DOK7: variants seen among roughly 807,000 people sequenced by gnomAD.
The protein encoded by DOK7 is protein Dok-7.
A neutral mutation model predicts 30.7 loss-of-function variants in DOK7; 32 were observed. The ratio of observed to expected loss-of-function variants is 1.04; its 90% confidence interval spans 0.79 to 1.40. The LOEUF (loss-of-function observed/expected upper bound fraction) is 1.40, where lower values mean the gene tolerates loss of function less well. DOK7 is among the 40% of genes most tolerant of loss of function. The probability of loss-of-function intolerance (pLI) is 0.00; values close to 1 mark genes in which losing one functional copy is unlikely to be tolerated. For synonymous variants in DOK7, 447 were observed against 324.1 expected, an observed-to-expected ratio of 1.38 and a Z score of -4.07; for missense variants, 1,007 against 699.2, an observed-to-expected ratio of 1.44 and a Z score of -4.97.
rs989595779 is a variant in DOK7, at chr4:3,489,551, G to A, written c.653-126G>A. The A allele has an allele frequency of 3.6e-5, 53 of 1,460,168 alleles. 1 individual carries two copies. Among genetic ancestry groups the A allele is most frequent in the South Asian group, 1.2e-4 (10 of 81,408 alleles). 90.5% of individuals were successfully genotyped at this position (1,460,168 alleles called of 1,614,324 possible). A position where few individuals can be genotyped will look rare whatever the true frequency, so the allele number is the denominator to read the frequency against. ...TCTGGGATGAGGCATCGGGAGGAGC[G>A]GGGACTCCCAGGGGACTGCCACTCC... On this transcript the variant is annotated intron_variant, in intron 5 of 6. Transcript: ENST00000340083.
Position 3,490,808 on chromosome 4 carries a change from C to T in DOK7, c.772+1012C>T, listed in dbSNP as rs866823657. Among the ~76,000 whole-genome samples the T allele has an allele frequency of 4.4e-4, 27 of 61,276 alleles. 1 individual carries two copies. The East Asian group carries it at 8.6e-3, about 20-fold the overall frequency. The allele number at this position is 61,276 out of a possible 152,430, so 40.2% of individuals were successfully genotyped here. A position where few individuals can be genotyped will look rare whatever the true frequency, so the allele number is the denominator to read the frequency against. On this transcript the variant is annotated intron_variant, in intron 6 of 6. Transcript: ENST00000340083. ...TCATTCATTCCTTCCTCTGCCCCCC[C>T]GCTCATTCATTCCTGCCTTCCCCCC...
chr4:3,501,092 G>T, exon 8 of DOK7: 1 of 512,212 alleles, frequency 2.0e-6, no homozygotes, highest in East Asian at 3.4e-5. Flanking sequence ...CTGCTTCCAG[G>T]CATCAGGCAG....
chr4:3,480,405 C>T (rs938312313), intron 4 of DOK7, among the ~76,000 whole-genome samples: 3 of 152,066 alleles, frequency 2.0e-5, no homozygotes, highest in East Asian at 3.9e-4. Flanking sequence ...GTCAGGAGTT[C>T]GAGATCAGCC....
chr4:3,483,787 G>A (rs766470771), intron 4 of DOK7, among the ~76,000 whole-genome samples: 1 of 152,214 alleles, frequency 6.6e-6, no homozygotes, highest in Non-Finnish European at 1.5e-5. Context: ...GGTGGACCAC[G>A]GGGACAGGGA....
chr4:3,479,259 C>T (rs986164192), intron 4 of DOK7, among the ~76,000 whole-genome samples: 3 of 152,238 alleles, frequency 2.0e-5, no homozygotes, highest in Admixed American at 2.0e-4. Context: ...TCTTCAGTCT[C>T]TTGCAGTCTG....
downstream of DOK7, chr4:3,494,574 G>A (rs191840650): frequency 5.6e-4 from 536 of 953,278 alleles, 2 homozygotes; most frequent in African/African-American, 8.1e-3. Context: ...CCCCGGGCCC[G>A]GCTTCCCTGG....
At chr4:3,491,463 T>G (rs1728437698) in intron 6 of DOK7, among the ~76,000 whole-genome samples, 1 of 150,872 alleles carries the variant, frequency 6.6e-6, no homozygotes, top group African/African-American at 2.4e-5. Flanking sequence ...CCCTACTCAA[T>G]TTCTCTCTCA....
chr4:3,481,257 G>A (rs75013340), intron 4 of DOK7, among the ~76,000 whole-genome samples: 4,364 of 152,202 alleles, frequency 0.029, 201 homozygotes, highest in African/African-American at 0.098. Context: ...TGTTGACCCC[G>A]GGGTGCAGAT....
At chr4:3,495,168 G>A (rs1728835509), downstream of DOK7, among the ~76,000 whole-genome samples, 1 of 152,208 alleles carries the variant, frequency 6.6e-6, no homozygotes, top group Admixed American at 6.5e-5. Flanking sequence ...TCACTGGGCT[G>A]CACTGAGGGT....
In DOK7 at chr4:3,490,265, CCTTCCTTCCCCACCTTGCTCATTCATTT is replaced by C. The variant is rs1315063988; in HGVS notation, c.772+476_772+503del. On this transcript the variant is annotated intron_variant, in intron 6 of 6. Transcript: ENST00000340083. ...TTCCTTTTCTCCCTGCTCATTCATT[CCTTCCTTCCCCACCTTGCTCATTCATTT>C]CTTCCTCCGCCCCCCCGGCTCATTC... 3.0e-4 allele frequency among the ~76,000 whole-genome samples: 34 copies of C among 112,182 alleles called. 1 individual carries two copies. The highest frequency in any genetic ancestry group is 9.7e-4 in the African/African-American group (31 of 32,014). The allele number at this position is 112,182 out of a possible 152,430, so 73.6% of individuals were successfully genotyped here. A position where few individuals can be genotyped will look rare whatever the true frequency, so the allele number is the denominator to read the frequency against.
At chr4:3,496,811 T>C (rs894839688), downstream of DOK7, 9 of 1,529,672 alleles carry the variant, frequency 5.9e-6, no homozygotes, top group Middle Eastern at 1.7e-4. Flanking sequence ...CAGGTTCTCT[T>C]TGGTCTAGGG....
intron 2 of DOK7, among the ~76,000 whole-genome samples, chr4:3,468,995 TGTG>T (rs1726559931): frequency 6.6e-6 from 1 of 150,784 alleles, no homozygotes; most frequent in African/African-American, 2.5e-5. Context: ...TGTATGCATG[TGTG>T]AGTGTGCGTG....
chr4:3,475,385 G>A (rs1397427513), intron 3 of DOK7, among the ~76,000 whole-genome samples: 1 of 152,248 alleles, frequency 6.6e-6, no homozygotes, highest in Non-Finnish European at 1.5e-5. Flanking sequence ...GCAGAGAAGG[G>A]GGAGGTGGGA....
intron 4 of DOK7, among the ~76,000 whole-genome samples, chr4:3,477,739 G>A (rs1206805514): frequency 6.6e-6 from 1 of 151,948 alleles, no homozygotes; most frequent in African/African-American, 2.4e-5. Context: ...AGGGGCCATA[G>A]CCAGAGTCCA....
In DOK7 at chr4:3,476,316, T is replaced by C. The variant is rs750006978; in HGVS notation, c.332-26T>C. Reference sequence around the variant, plus strand: ...GTCCTCTCACCCTGCCCGCCCGTGATGCCCTCTTGCCCCGCCTGCCCGCAG... The same window carrying C: ...GTCCTCTCACCCTGCCCGCCCGTGACGCCCTCTTGCCCCGCCTGCCCGCAG... On this transcript the variant is annotated intron_variant, in intron 3 of 6. Transcript: ENST00000340083. 2.0e-6 allele frequency: 3 copies of C among 1,508,562 alleles called. 1 individual carries two copies. The highest frequency in any genetic ancestry group is 2.7e-6 in the Non-Finnish European group (3 of 1,124,312). The allele number at this position is 1,508,562 out of a possible 1,614,324, so 93.4% of individuals were successfully genotyped here.
intron 4 of DOK7, 22 bp from the exon 5 acceptor site, chr4:3,485,517 T>C: frequency 6.4e-7 from 1 of 1,571,300 alleles, no homozygotes; most frequent in Middle Eastern, 1.7e-4. Context: ...CAGACTGACC[T>C]GTCTCTGTCC....
intron 2 of DOK7, among the ~76,000 whole-genome samples, chr4:3,471,490 C>T (rs968846144): frequency 6.6e-6 from 1 of 152,214 alleles, no homozygotes; most frequent in Non-Finnish European, 1.5e-5. Flanking sequence ...GCAGAGGTGG[C>T]CCGGGCCCCT....
At chr4:3,500,021 G>C (rs1004754228) in intron 6 of DOK7, among the ~76,000 whole-genome samples, 1 of 150,622 alleles carries the variant, frequency 6.6e-6, no homozygotes, top group African/African-American at 2.4e-5. Context: ...GCTTCCTTCT[G>C]CTCTGTGGGT....
Position 3,464,623 on chromosome 4 carries a change from C to G in DOK7, c.100+1072C>G, listed in dbSNP as rs555583432. ...AGGCTTTAGTCAGCTGTGGCTGGGT[C>G]GGGGCCGTGGTGGGGCAGGTGATGC... On this transcript the variant is annotated intron_variant, in intron 2 of 6. Transcript: ENST00000340083. 1.8e-4 allele frequency among the ~76,000 whole-genome samples: 28 copies of G among 152,272 alleles called. No homozygotes were observed. In the East Asian group the frequency reaches 2.5e-3, roughly 14 times the overall value.
Sources: gnomAD v4.1 joint callset for allele counts (sites outside exome capture counted in the v4.1 genomes callset) on GRCh38, gnomAD v4.1.1 for gene constraint, MANE v1.5 for transcripts, NCBI Gene and HGNC (gene_info 2026-07-23, HGNC 2026-07-21) for gene names.